ATP2B1: variants seen among roughly 807,000 people sequenced by gnomAD.
ATP2B1 encodes ATPase plasma membrane Ca2+ transporting 1, also known as plasma membrane calcium-transporting ATPase 1.
ATP2B1 carries 14 observed loss-of-function variants against 124.2 expected under a neutral mutation model. That is an observed-to-expected ratio of 0.11 (90% CI 0.07 to 0.18). The LOEUF (loss-of-function observed/expected upper bound fraction) is 0.18, where lower values mean the gene tolerates loss of function less well. ATP2B1 is among the 10% of genes least tolerant of loss of function. The probability of loss-of-function intolerance (pLI) is 1.00; values close to 1 mark genes in which losing one functional copy is unlikely to be tolerated. For missense variants in ATP2B1, 763 were observed against 1,466.1 expected (o/e 0.52, Z 7.83); for synonymous variants, 449 against 492.4 (o/e 0.91, Z 1.17).
At chr12:89,690,017 G>A (rs1527540) in intron 1 of ATP2B1, among the ~76,000 whole-genome samples, 145,596 of 152,140 alleles carry the variant, frequency 0.96, 69,705 homozygotes, top group East Asian at 0.99. Flanking sequence ...CATAAAATGT[G>A]CAGAAACCCC....
At chr12:89,660,227 T>C (rs1886539187) in intron 1 of ATP2B1, among the ~76,000 whole-genome samples, 1 of 152,130 alleles carries the variant, frequency 6.6e-6, no homozygotes. Flanking sequence ...TGTTAGAAAT[T>C]TGAAGACCTA....
intron 5 of ATP2B1, among the ~76,000 whole-genome samples, chr12:89,631,843 A>G (rs1444844435): frequency 6.7e-6 from 1 of 150,358 alleles, no homozygotes; most frequent in Non-Finnish European, 1.5e-5. Context: ...GAGACAGAGT[A>G]TGTGTTGCCC....
chr12:89,603,021 A>T lies in ATP2B1; in HGVS notation c.3060+22T>A. 1 of 1,605,858 alleles carries T rather than the reference A, an allele frequency of 6.2e-7. No individual in the cohort carries two copies. The highest frequency in any genetic ancestry group is 8.5e-7 in the Non-Finnish European group (1 of 1,174,042). On this transcript the variant is annotated intron_variant, in intron 18 of 20. Transcript: ENST00000428670. The surrounding 1 kb of genome is among the most constrained non-coding windows in gnomAD (Gnocchi z 4.3). ...CTCCCATTTAACAGGCAAATTTGAA[A>T]CTATCTTTTCCAATTACCCACCTGT...
At chr12:89,673,749 T>C (rs1457471733) in intron 1 of ATP2B1, among the ~76,000 whole-genome samples, 1 of 152,198 alleles carries the variant, frequency 6.6e-6, no homozygotes, top group Non-Finnish European at 1.5e-5. Context: ...GCAGTGGTCT[T>C]ATACATATCA....
chr12:89,606,321 T>G (rs1417663991), intron 15 of ATP2B1, among the ~76,000 whole-genome samples: 1 of 152,168 alleles, frequency 6.6e-6, no homozygotes, highest in Admixed American at 6.5e-5. Flanking sequence ...TTCAGAGATA[T>G]AAAGGTACAT....
At chr12:89,677,688 C>T (rs1888776268) in intron 1 of ATP2B1, among the ~76,000 whole-genome samples, 1 of 151,978 alleles carries the variant, frequency 6.6e-6, no homozygotes, top group African/African-American at 2.4e-5. Flanking sequence ...TGATACCAAA[C>T]TTCATACCAA....
Position 89,634,867 on chromosome 12 carries a change from C to T in ATP2B1, c.698G>A (p.Gly233Asp), listed in dbSNP as rs1200238528. The change falls in exon 5 of 21, where the codon GGC becomes GAC. Residue 233 changes from glycine (G) to aspartate (D), a missense_variant. Gly to Asp is a moderately conservative substitution (Grantham distance 94, BLOSUM62 -1). Around this residue, in one of 7 missense-constraint regions of ATP2B1, gnomAD observed 392 missense variants for 776.6 expected, o/e 0.50. Transcript: ENST00000428670. ...GCTTTCATCAATTTTAAGATCGTTG[C>T]CTTGAATAAGTATGCCGTCAGCTGG... ...LLPADGILIQGNDLKIDESSL... is the reference protein window; with the variant it reads ...LLPADGILIQDNDLKIDESSL... The T allele has an allele frequency of 6.2e-7, 1 of 1,612,932 alleles. No individual in the cohort carries two copies. Among genetic ancestry groups the T allele is most frequent in the African/African-American group, 1.3e-5 (1 of 74,848 alleles).
intron 8 of ATP2B1, 46 bp from the exon 9 acceptor site, chr12:89,624,443 G>A: frequency 6.8e-7 from 1 of 1,475,320 alleles, no homozygotes; most frequent in Non-Finnish European, 9.4e-7. Flanking sequence ...TAAATTTCCA[G>A]ACACTAACCC....
chr12:89,628,008 A>G (rs912131088), intron 6 of ATP2B1, among the ~76,000 whole-genome samples: 1 of 152,310 alleles, frequency 6.6e-6, no homozygotes, highest in East Asian at 1.9e-4. Flanking sequence ...AAAGTTTTAA[A>G]ACTAAATACA....
chr12:89,611,445 C>T (rs180830798), intron 12 of ATP2B1, 73 bp from the exon 13 acceptor site: 30 of 1,246,856 alleles, frequency 2.4e-5, no homozygotes, highest in South Asian at 8.0e-5. Flanking sequence ...TCACTGCACA[C>T]GACTGCATTA....
At chr12:89,615,124 T>C (rs559305420) in intron 12 of ATP2B1, among the ~76,000 whole-genome samples, 2 of 152,168 alleles carry the variant, frequency 1.3e-5, no homozygotes, top group Non-Finnish European at 2.9e-5. Context: ...TTAAAATAGC[T>C]ACTTTTCTCA....
At chr12:89,667,838 A>C (rs1887494308) in intron 1 of ATP2B1, among the ~76,000 whole-genome samples, 1 of 152,238 alleles carries the variant, frequency 6.6e-6, no homozygotes, top group Non-Finnish European at 1.5e-5. Context: ...ATTCGGTGCT[A>C]TTCCTATCAA....
chr12:89,628,401 C>CAAAAAAA (rs567077317), intron 6 of ATP2B1, among the ~76,000 whole-genome samples: 2 of 79,618 alleles, frequency 2.5e-5, no homozygotes, highest in African/African-American at 1.0e-4. Context: ...GACTCCGTCT[C>CAAAAAAA]AAAAAAAAAA....
intron 1 of ATP2B1, among the ~76,000 whole-genome samples, chr12:89,658,978 AC>A (rs1359826836): frequency 6.6e-6 from 1 of 152,152 alleles, no homozygotes; most frequent in African/African-American, 2.4e-5. Context: ...TTTCTAGATC[AC>A]CCATAGCTCC....
At chr12:89,679,669 A>C (rs1565906947) in intron 1 of ATP2B1, among the ~76,000 whole-genome samples, 2 of 152,178 alleles carry the variant, frequency 1.3e-5, no homozygotes, top group Non-Finnish European at 2.9e-5. Context: ...GGCCAATGCA[A>C]ATCTGAGGGT....
intron 5 of ATP2B1, among the ~76,000 whole-genome samples, chr12:89,634,448 T>C (rs549601888): frequency 3.3e-5 from 5 of 152,312 alleles, no homozygotes; most frequent in Non-Finnish European, 7.4e-5. Context: ...GCATTAAAAA[T>C]AGTCATGATA....
At chr12:89,709,015 G>A (rs1256171003), upstream of ATP2B1, 1 of 151,026 alleles carries the variant, frequency 6.6e-6, no homozygotes, top group Non-Finnish European at 1.5e-5. Context: ...CCGGCCTCAC[G>A]CCGCCGTCCG....
At chr12:89,703,291 G>A (rs1042867620) in intron 1 of ATP2B1, among the ~76,000 whole-genome samples, 4 of 152,206 alleles carry the variant, frequency 2.6e-5, no homozygotes, top group Non-Finnish European at 5.9e-5. Context: ...CCAAAAGTCA[G>A]AGTAGATTGG....
intron 1 of ATP2B1, among the ~76,000 whole-genome samples, chr12:89,688,879 T>A (rs1054243041): frequency 6.6e-6 from 1 of 152,122 alleles, no homozygotes; most frequent in Non-Finnish European, 1.5e-5. Context: ...AGTCCAAGTA[T>A]AAAATATTGG....
Sources: gnomAD v4.1 joint callset for allele counts (sites outside exome capture counted in the v4.1 genomes callset) on GRCh38, gnomAD v4.1.1 for gene constraint, gnomAD v4.1.1 regional missense constraint, Gnocchi (gnomAD v3.1) non-coding constraint, MANE v1.5 for transcripts, NCBI Gene and HGNC (gene_info 2026-07-23, HGNC 2026-07-21) for gene names.